Variants in RPS6KA3 observed in about 807,000 individuals in gnomAD.
RPS6KA3 encodes the protein ribosomal protein S6 kinase alpha-3.
A neutral mutation model predicts 67.2 loss-of-function variants in RPS6KA3; 4 were observed. The ratio of observed to expected loss-of-function variants is 0.06; its 90% CI spans 0.03 to 0.14. RPS6KA3 has a LOEUF of 0.14. Ranked by LOEUF, RPS6KA3 falls within the 10% of genes least tolerant of loss-of-function variation. RPS6KA3 has a pLI of 1.00. For synonymous variants in RPS6KA3, 182 were observed against 183.7 expected (o/e 0.99, Z 0.07); for missense variants, 204 against 559.0 (o/e 0.36, Z 6.40).
chrX:20,222,427 C>T (rs1032736863), intron 2 of RPS6KA3, among the ~76,000 whole-genome samples: 1 of 111,822 alleles, frequency 8.9e-6, no homozygotes, highest in Non-Finnish European at 1.9e-5. Flanking sequence ...TGAGTCCTTT[C>T]TGGTCTTTCC....
chrX:20,192,592 CTTTTTTTTTTTTT>C (rs1159974637), intron 7 of RPS6KA3, among the ~76,000 whole-genome samples: 2 of 45,415 alleles, frequency 4.4e-5, no homozygotes, highest in African/African-American at 1.2e-4. Context: ...TGTAAATTTT[CTTTTTTTTTTTTT>C]TTTTTTTTTT....
At chrX:20,202,439 C>T (rs1219593735) in intron 4 of RPS6KA3, among the ~76,000 whole-genome samples, 2 of 111,560 alleles carry the variant, frequency 1.8e-5, no homozygotes, top group East Asian at 5.6e-4. Flanking sequence ...CTGTATTACT[C>T]CCCCCAATAA....
chrX:20,164,861 A>G, intron 18 of RPS6KA3, 38 bp downstream of exon 18: 2 of 1,094,860 alleles, frequency 1.8e-6, no homozygotes, highest in South Asian at 1.8e-5. Flanking sequence ...TGAGTTTTAA[A>G]ACATACTAAT....
In RPS6KA3 at chrX:20,152,832, A is replaced by G. The variant is rs2067125192; in HGVS notation, c.*2566T>C. On this transcript the variant is annotated 3_prime_UTR_variant, in exon 22 of 22. Coordinates refer to ENST00000379565, the MANE Select transcript of RPS6KA3 (RefSeq NM_004586.3). Reference sequence around the variant, plus strand: ...CAAAGAAGGCAATTATCTTCGAAAGAAATAAAAGTTGGCATCACATACCAG... The same window carrying G: ...CAAAGAAGGCAATTATCTTCGAAAGGAATAAAAGTTGGCATCACATACCAG... The G allele has an allele frequency of 8.9e-6, 1 of 112,229 alleles. No individual in the cohort carries two copies. The highest frequency in any genetic ancestry group is 3.2e-5 in the African/African-American group (1 of 30,910). 9.2% of individuals were successfully genotyped at this position (112,229 alleles called of 1,213,427 possible). A position where few individuals can be genotyped will look rare whatever the true frequency, so the allele number is the denominator to read the frequency against.
chrX:20,256,358 A>T (rs1405079709), intron 1 of RPS6KA3, among the ~76,000 whole-genome samples: 1 of 110,051 alleles, frequency 9.1e-6, no homozygotes, highest in East Asian at 2.8e-4. Flanking sequence ...TGGCACTTTG[A>T]GGGAACATCA....
At chrX:20,228,766 A>G (rs1301007482) in intron 2 of RPS6KA3, among the ~76,000 whole-genome samples, 1 of 110,876 alleles carries the variant, frequency 9.0e-6, no homozygotes, top group African/African-American at 3.3e-5. Flanking sequence ...TGTTCTATTA[A>G]TTTCATCTTG....
intron 4 of RPS6KA3, among the ~76,000 whole-genome samples, chrX:20,201,850 T>C (rs2068441926): frequency 9.0e-6 from 1 of 111,446 alleles, no homozygotes; most frequent in Admixed American, 9.6e-5. Flanking sequence ...TTTGTATTAC[T>C]AATTTGTTTG....
chrX:20,263,711 G>T (rs1569283983), intron 1 of RPS6KA3, among the ~76,000 whole-genome samples: 1 of 111,892 alleles, frequency 8.9e-6, no homozygotes, highest in East Asian at 2.8e-4. Context: ...ATAAAAAACA[G>T]ATAAGATTCA....
intron 1 of RPS6KA3, among the ~76,000 whole-genome samples, chrX:20,243,774 G>A (rs1931482719): frequency 9.1e-6 from 1 of 110,345 alleles, no homozygotes; most frequent in Admixed American, 9.7e-5. Flanking sequence ...GATTACAAGC[G>A]TGAGCCACCA....
chrX:20,264,561 G>A (rs1173790001), intron 1 of RPS6KA3, among the ~76,000 whole-genome samples: 1 of 111,704 alleles, frequency 9.0e-6, no homozygotes, highest in Admixed American at 9.5e-5. Flanking sequence ...ATAACAATGG[G>A]GACCATAATC....
intron 5 of RPS6KA3, among the ~76,000 whole-genome samples, chrX:20,194,675 T>C (rs977909638): frequency 9.0e-6 from 1 of 111,026 alleles, no homozygotes; most frequent in African/African-American, 3.3e-5. Context: ...GCATATGGCT[T>C]CGGGGAAAAG....
At chrX:20,248,771 G>A (rs2069777269) in intron 1 of RPS6KA3, among the ~76,000 whole-genome samples, 1 of 112,347 alleles carries the variant, frequency 8.9e-6, no homozygotes, top group Non-Finnish European at 1.9e-5. Flanking sequence ...CTTCACCCCA[G>A]TGGTAACATC....
At chrX:20,163,958 G>A (rs1293819413) in intron 18 of RPS6KA3, among the ~76,000 whole-genome samples, 1 of 111,040 alleles carries the variant, frequency 9.0e-6, no homozygotes, top group Non-Finnish European at 1.9e-5. Flanking sequence ...CGTGAACCAT[G>A]GCATCTGGCC....
chrX:20,247,460 T>C (rs1325865926), intron 1 of RPS6KA3, among the ~76,000 whole-genome samples: 1 of 110,830 alleles, frequency 9.0e-6, no homozygotes. Flanking sequence ...ACATAAGCTA[T>C]AACTTAGAGA....
chrX:20,235,065 G>T (rs756254244), intron 1 of RPS6KA3, among the ~76,000 whole-genome samples: 1 of 111,279 alleles, frequency 9.0e-6, no homozygotes, highest in Non-Finnish European at 1.9e-5. Flanking sequence ...ACCTTTCCAC[G>T]TGAACCCTTG....
At chrX:20,192,592 C>CTTTTTT (rs1159974637) in intron 7 of RPS6KA3, among the ~76,000 whole-genome samples, 8 of 45,412 alleles carry the variant, frequency 1.8e-4, no homozygotes, top group Admixed American at 2.9e-4. Context: ...TGTAAATTTT[C>CTTTTTT]TTTTTTTTTT....
intron 10 of RPS6KA3, among the ~76,000 whole-genome samples, chrX:20,178,743 A>C (rs1011546598): frequency 1.9e-5 from 2 of 105,352 alleles, no homozygotes. Flanking sequence ...AGCCTCTCAA[A>C]GTGCTGGGAT....
Position 20,165,168 on chromosome X carries a change from G to A in RPS6KA3, c.1603-108C>T, listed in dbSNP as rs973517342. The A allele has an allele frequency of 5.0e-5, 30 of 594,399 alleles. No individual in the cohort carries two copies. The African/African-American group carries it at 6.3e-4, about 12-fold the overall frequency. 49.0% of individuals were successfully genotyped at this position (594,399 alleles called of 1,213,427 possible). A position where few individuals can be genotyped will look rare whatever the true frequency, so the allele number is the denominator to read the frequency against. On this transcript the variant is annotated intron_variant, in intron 17 of 21. Coordinates refer to ENST00000379565, the MANE Select transcript of RPS6KA3 (RefSeq NM_004586.3). ...TGCACTTAACAAGATGATGAGTGCT[G>A]ACCTTTAAATTAGCCTAACATTATA...
At chrX:20,217,722 A>G (rs1158708098) in intron 2 of RPS6KA3, among the ~76,000 whole-genome samples, 2 of 112,092 alleles carry the variant, frequency 1.8e-5, no homozygotes, top group Non-Finnish European at 3.8e-5. Context: ...TTCTAAATTA[A>G]ACTATCACCC....
Sources: allele counts gnomAD v4.1 joint callset (sites outside exome capture counted in the v4.1 genomes callset), GRCh38; gene constraint gnomAD v4.1.1; transcripts MANE v1.5; gene names NCBI Gene and HGNC (gene_info 2026-07-23, HGNC 2026-07-21).